LSAMP: variants seen among roughly 807,000 people sequenced by gnomAD.
The protein encoded by LSAMP is limbic system-associated membrane protein.
Under a neutral mutation model 38.6 loss-of-function variants are expected in LSAMP, and 7 were observed. The ratio of observed to expected loss-of-function variants is 0.18; its 90% CI spans 0.10 to 0.34. The LOEUF (loss-of-function observed/expected upper bound fraction) is 0.34, where lower values mean the gene tolerates loss of function less well. Ranked by LOEUF, LSAMP falls within the 10% of genes least tolerant of loss-of-function variation. The pLI is 1.00. For missense variants in LSAMP, 313 were observed against 420.0 expected, an observed-to-expected ratio of 0.75 and a Z score of 2.23; for synonymous variants, 154 against 166.8, an observed-to-expected ratio of 0.92 and a Z score of 0.59.
rs1360226344 is a variant in LSAMP, at chr3:115,806,288, T to C, written c.*4029A>G. On this transcript the variant is annotated 3_prime_UTR_variant, in exon 7 of 7. Transcript: ENST00000490035. ...TATTCTTAATTTGTCTTATAATACA[T>C]ACATTATTGTAAATATAGCATCTAT... 1 of 152,214 alleles carries C rather than the reference T, an allele frequency of 6.6e-6. No individual in the cohort carries two copies. Among genetic ancestry groups the C allele is most frequent in the Non-Finnish European group, 1.5e-5 (1 of 68,028 alleles). 9.4% of individuals were successfully genotyped at this position (152,214 alleles called of 1,614,324 possible).
At chr3:115,975,129 TGA>T (rs1939143969) in intron 3 of LSAMP, among the ~76,000 whole-genome samples, 1 of 152,092 alleles carries the variant, frequency 6.6e-6, no homozygotes, top group African/African-American at 2.4e-5. Context: ...GATGCAAACA[TGA>T]GAGACTGGCT....
At chr3:116,249,019 G>A (rs916471781) in intron 1 of LSAMP, among the ~76,000 whole-genome samples, 18 of 151,974 alleles carry the variant, frequency 1.2e-4, no homozygotes, top group Admixed American at 2.6e-4. Context: ...CATGGTGGCA[G>A]GCACCTGTAG....
At chr3:116,425,052 C>A (rs191235925) in intron 1 of LSAMP, among the ~76,000 whole-genome samples, 1 of 151,490 alleles carries the variant, frequency 6.6e-6, no homozygotes, top group African/African-American at 2.4e-5. Context: ...AATTGTCTAC[C>A]GTGCAGGGGC....
intron 1 of LSAMP, among the ~76,000 whole-genome samples, chr3:116,415,895 A>C (rs1437037934): frequency 6.6e-6 from 1 of 152,124 alleles, no homozygotes; most frequent in East Asian, 1.9e-4. Flanking sequence ...GGGGTGAAAG[A>C]AGCTGGGCTA....
intron 1 of LSAMP, among the ~76,000 whole-genome samples, chr3:116,314,445 A>G (rs953299493): frequency 6.6e-6 from 1 of 152,206 alleles, no homozygotes; most frequent in Admixed American, 6.5e-5. Flanking sequence ...TAATTAAAGG[A>G]CAAACCTGCC....
At chr3:116,347,452 T>C (rs1202997153) in intron 1 of LSAMP, among the ~76,000 whole-genome samples, 1 of 152,194 alleles carries the variant, frequency 6.6e-6, no homozygotes, top group Non-Finnish European at 1.5e-5. Context: ...AGAGAATTGA[T>C]AGTAACTGTG....
intron 3 of LSAMP, among the ~76,000 whole-genome samples, chr3:115,887,685 T>C (rs765694624): frequency 1.1e-4 from 16 of 151,920 alleles, no homozygotes; most frequent in South Asian, 2.1e-4. Flanking sequence ...GGCCACCCTG[T>C]CATTTAATGA....
At chr3:116,374,760 A>G (rs1030494788) in intron 1 of LSAMP, among the ~76,000 whole-genome samples, 1 of 151,880 alleles carries the variant, frequency 6.6e-6, no homozygotes, top group Non-Finnish European at 1.5e-5. Flanking sequence ...TCCAATCTCT[A>G]CAATCATCCT....
intron 1 of LSAMP, among the ~76,000 whole-genome samples, chr3:116,262,735 G>A (rs2088845907): frequency 1.3e-5 from 2 of 152,164 alleles, no homozygotes; most frequent in South Asian, 4.1e-4. Flanking sequence ...TGATAGAGGA[G>A]CAAGGAAAAA....
intron 1 of LSAMP, among the ~76,000 whole-genome samples, chr3:116,317,626 A>G (rs901197715): frequency 2.0e-5 from 3 of 151,758 alleles, no homozygotes; most frequent in Non-Finnish European, 4.4e-5. Context: ...AAGCGCTGGG[A>G]TTACAGGCGT....
chr3:115,957,309 C>T (rs1183834909), intron 3 of LSAMP, among the ~76,000 whole-genome samples: 1 of 152,172 alleles, frequency 6.6e-6, no homozygotes, highest in East Asian at 1.9e-4. Flanking sequence ...ACACAAATGG[C>T]TCGTGTTGAA....
At chr3:115,963,936 A>G (rs1938709562) in intron 3 of LSAMP, among the ~76,000 whole-genome samples, 1 of 151,764 alleles carries the variant, frequency 6.6e-6, no homozygotes, top group Admixed American at 6.6e-5. Context: ...TATTTTTTGT[A>G]GAGATAGAGT....
At chr3:116,244,951 C>T (rs1363801445) in intron 1 of LSAMP, among the ~76,000 whole-genome samples, 1 of 152,138 alleles carries the variant, frequency 6.6e-6, no homozygotes, top group Non-Finnish European at 1.5e-5. Flanking sequence ...ATAAGTAAAA[C>T]TTCCTTTGTA....
At chr3:116,009,918 T>TTTG (rs1414349877) in intron 3 of LSAMP, among the ~76,000 whole-genome samples, 8 of 152,004 alleles carry the variant, frequency 5.3e-5, no homozygotes, top group Non-Finnish European at 8.8e-5. Context: ...AGTGTTTTGT[T>TTTG]TTGTTGTTGT....
At chr3:116,151,628 G>C (rs756522018) in intron 1 of LSAMP, among the ~76,000 whole-genome samples, 1 of 151,984 alleles carries the variant, frequency 6.6e-6, no homozygotes, top group Non-Finnish European at 1.5e-5. Context: ...GGGTGGAGGA[G>C]AGCCAGGGAA....
At chr3:116,131,349 T>A (rs1185853302) in intron 1 of LSAMP, among the ~76,000 whole-genome samples, 1 of 152,148 alleles carries the variant, frequency 6.6e-6, no homozygotes, top group Non-Finnish European at 1.5e-5. Context: ...ACTTGCTGAC[T>A]GCAGGGATGG....
chr3:115,914,557 G>A (rs1937205850), intron 3 of LSAMP, among the ~76,000 whole-genome samples: 1 of 152,106 alleles, frequency 6.6e-6, no homozygotes, highest in Admixed American at 6.5e-5. Context: ...TCCCTATTGC[G>A]ATAGTCTTGA....
intron 1 of LSAMP, among the ~76,000 whole-genome samples, chr3:116,193,260 T>A (rs1344792704): frequency 6.6e-6 from 1 of 152,150 alleles, no homozygotes; most frequent in Non-Finnish European, 1.5e-5. Context: ...AAAAGGTAAA[T>A]CAATGCCTGA....
At chr3:115,958,236 C>G (rs539190289) in intron 3 of LSAMP, among the ~76,000 whole-genome samples, 1 of 152,204 alleles carries the variant, frequency 6.6e-6, no homozygotes, top group African/African-American at 2.4e-5. Context: ...ATTTCTTAAT[C>G]AAGATTAATA....
Sources: gnomAD v4.1 joint callset for allele counts (sites outside exome capture counted in the v4.1 genomes callset) on GRCh38, gnomAD v4.1.1 for gene constraint, MANE v1.5 for transcripts, NCBI Gene and HGNC (gene_info 2026-07-23, HGNC 2026-07-21) for gene names.